Variants in ANKUB1 observed in about 807,000 individuals in gnomAD.
ANKUB1 encodes the protein protein ANKUB1.
ANKUB1 carries 42 observed loss-of-function variants against 49.3 expected under a neutral mutation model. The ratio of observed to expected loss-of-function variants is 0.85; its 90% confidence interval spans 0.67 to 1.10. The LOEUF is 1.10. ANKUB1 is among the 50% of genes least tolerant of loss of function. ANKUB1 has a pLI of 0.00. For synonymous variants in ANKUB1, 222 were observed against 231.0 expected (o/e 0.96, Z 0.35); for missense variants, 613 against 642.0 (o/e 0.95, Z 0.49).
At position 149,767,945 on chromosome 3, in the gene ANKUB1, G is replaced by A; in HGVS notation, c.717C>T (p.Val239=). Residue 239 remains valine, a synonymous_variant, in exon 5 of 6, where the codon GTC becomes GTT. Transcript: ENST00000446160. ...CGGCTGCATGAATGGGGCATTTAGAGACATCTGCATGAAGGGCTTCATGGC... is the reference window on the plus strand; with the variant it reads ...CGGCTGCATGAATGGGGCATTTAGAAACATCTGCATGAAGGGCTTCATGGC... ...AWCHEALHAD[V]SKCPIHAAAE... 6.5e-7 allele frequency: 1 copy of A among 1,548,450 alleles called. No individual in the cohort carries two copies. The highest frequency in any genetic ancestry group is 1.2e-5 in the South Asian group (1 of 83,986).
At chr3:149,769,931 T>C (rs947169455) in intron 4 of ANKUB1, among the ~76,000 whole-genome samples, 3 of 152,182 alleles carry the variant, frequency 2.0e-5, no homozygotes, top group Admixed American at 6.5e-5. Flanking sequence ...GAGTTTGAAC[T>C]GTCAGGGTTC....
At position 149,780,373 on chromosome 3, in the gene ANKUB1, T is replaced by A. The variant is rs1262733000; in HGVS notation, c.317A>T (p.Asp106Val). 5 of 1,552,164 alleles carry A rather than the reference T, an allele frequency of 3.2e-6. No individual in the cohort carries two copies. The highest frequency in any genetic ancestry group is 4.4e-6 in the Non-Finnish European group (5 of 1,147,086). ...MPVMESISLL[D>V]KTVSDLRTLV... ...TGTTCTCAGATCAGACACTGTTTTA[T>A]CAAGAAGGGAAATGCTCTCCATTAC... Residue 106 changes from aspartate to valine, a missense_variant, in exon 3 of 6, where the codon GAT (aspartate) becomes GTT (valine). Asp to Val is a radical substitution (Grantham distance 152). Coordinates refer to ENST00000446160, the MANE Select transcript of ANKUB1 (RefSeq NM_001144960.3).
chr3:149,788,115 G>A (rs1718191678), intron 2 of ANKUB1, among the ~76,000 whole-genome samples: 2 of 152,142 alleles, frequency 1.3e-5, no homozygotes, highest in African/African-American at 2.4e-5. Flanking sequence ...AGTTAAGTAG[G>A]GAAGGTACTA....
At chr3:149,771,072 G>A (rs1717338003) in intron 3 of ANKUB1, among the ~76,000 whole-genome samples, 1 of 152,186 alleles carries the variant, frequency 6.6e-6, no homozygotes, top group South Asian at 2.1e-4. Flanking sequence ...TTATGAGTGG[G>A]CTGTGAGGGA....
intron 2 of ANKUB1, among the ~76,000 whole-genome samples, chr3:149,789,202 G>A (rs1718247474): frequency 1.3e-5 from 2 of 152,128 alleles, no homozygotes; most frequent in Non-Finnish European, 2.9e-5. Flanking sequence ...TTAAATAAAA[G>A]TATCCTATCC....
chr3:149,788,057 A>G (rs1471421535), intron 2 of ANKUB1, among the ~76,000 whole-genome samples: 1 of 152,204 alleles, frequency 6.6e-6, no homozygotes, highest in East Asian at 1.9e-4. Flanking sequence ...GGCATCTTCC[A>G]TCTCTCTCAA....
intron 2 of ANKUB1, 99 bp downstream of exon 2, chr3:149,790,682 A>G (rs1718320054): frequency 1.6e-6 from 2 of 1,232,518 alleles, no homozygotes; most frequent in Non-Finnish European, 2.2e-6. Context: ...AAAAGAGACA[A>G]TTTCTTTTTA....
At chr3:149,774,187 C>T (rs1329678665) in intron 3 of ANKUB1, among the ~76,000 whole-genome samples, 1 of 152,176 alleles carries the variant, frequency 6.6e-6, no homozygotes, top group Non-Finnish European at 1.5e-5. Flanking sequence ...TCTGAATTTC[C>T]TACTCTAAAT....
At chr3:149,776,808 C>CA (rs773843141) in intron 3 of ANKUB1, among the ~76,000 whole-genome samples, 38 of 150,956 alleles carry the variant, frequency 2.5e-4, no homozygotes, top group Admixed American at 5.9e-4. Context: ...AAAAAATACA[C>CA]ACACACACAC....
rs897164578 is a variant in ANKUB1, at chr3:149,767,877, T to C, written c.785A>G (p.Tyr262Cys). ...QLLILKAFVN[Y>C]SVLCLECKNA... The stretch of plus-strand genomic sequence containing the variant: ...TTTGCATTCCAGGCACAGCACACTG[T>C]AGTTGACAAAGGCCTTCAGAATCAA... The change falls in exon 5 of 6, where the codon TAC (tyrosine) becomes TGC (cysteine). Residue 262 changes from tyrosine to cysteine, a missense_variant. Tyr to Cys is a radical substitution (Grantham distance 194). Transcript: ENST00000446160. 1.3e-6 allele frequency: 2 copies of C among 1,551,562 alleles called. No individual in the cohort carries two copies. Among genetic ancestry groups the C allele is most frequent in the African/African-American group, 1.4e-5 (1 of 73,036 alleles).
chr3:149,791,420 A>T (rs892160577), intron 1 of ANKUB1, among the ~76,000 whole-genome samples: 6 of 152,216 alleles, frequency 3.9e-5, no homozygotes, highest in African/African-American at 1.4e-4. Flanking sequence ...AATGTATTTC[A>T]ATATAACAAA....
At chr3:149,763,861 C>T (rs1243677643) in intron 5 of ANKUB1, 16 of 455,542 alleles carry the variant, frequency 3.5e-5, no homozygotes, top group South Asian at 2.5e-4. Context: ...TGCATAATGC[C>T]ATCTTGGAGT....
chr3:149,777,213 C>T (rs1299030610), intron 3 of ANKUB1, among the ~76,000 whole-genome samples: 1 of 152,172 alleles, frequency 6.6e-6, no homozygotes, highest in Non-Finnish European at 1.5e-5. Flanking sequence ...GTGGCTCACG[C>T]CTGTAATCCC....
intron 4 of ANKUB1, among the ~76,000 whole-genome samples, chr3:149,768,299 C>A (rs961663180): frequency 1.3e-5 from 2 of 152,146 alleles, no homozygotes; most frequent in Admixed American, 6.5e-5. Context: ...CTACTATGCA[C>A]GTGTAAATAG....
intron 3 of ANKUB1, among the ~76,000 whole-genome samples, chr3:149,777,990 G>A (rs1717677988): frequency 6.6e-6 from 1 of 152,192 alleles, no homozygotes; most frequent in South Asian, 2.1e-4. Flanking sequence ...CTGTGGAAAA[G>A]GGGCCAAGGT....
chr3:149,768,218 A>G (rs1717158423), intron 4 of ANKUB1, 123 bp from the exon 5 acceptor site: 4 of 780,134 alleles, frequency 5.1e-6, no homozygotes, highest in African/African-American at 3.5e-5. Context: ...CTTTTACCTT[A>G]AAATATTTTT....
intron 5 of ANKUB1, among the ~76,000 whole-genome samples, chr3:149,765,220 G>T (rs539426664): frequency 1.4e-4 from 22 of 152,058 alleles, no homozygotes; most frequent in Admixed American, 1.1e-3. Flanking sequence ...AATATCAAAG[G>T]TATATGCCAT....
rs562961069 is a variant in ANKUB1 at position 149,782,713 on chromosome 3, T to C, written c.235-2258A>G. Among the ~76,000 whole-genome samples, 90 of 151,890 alleles carry C rather than the reference T, an allele frequency of 5.9e-4. 1 individual carries two copies. The South Asian group carries it at 0.016, about 28-fold the overall frequency. Reference sequence around the variant, plus strand: ...CACCAAACCCAGCTACATTTTAAATTCTTATTTGTAGAGACAGGGCCTAGC... The same window carrying C: ...CACCAAACCCAGCTACATTTTAAATCCTTATTTGTAGAGACAGGGCCTAGC... On this transcript the variant is annotated intron_variant, in intron 2 of 5. Coordinates refer to ENST00000446160, the MANE Select transcript of ANKUB1 (RefSeq NM_001144960.3).
chr3:149,788,240 A>G (rs1314377735), intron 2 of ANKUB1, among the ~76,000 whole-genome samples: 3 of 152,204 alleles, frequency 2.0e-5, no homozygotes, highest in Admixed American at 6.5e-5. Flanking sequence ...GCATTCTTTG[A>G]GGCCTGGGAT....
Sources: allele counts gnomAD v4.1 joint callset (sites outside exome capture counted in the v4.1 genomes callset), GRCh38; gene constraint gnomAD v4.1.1; transcripts MANE v1.5; gene names NCBI Gene and HGNC (gene_info 2026-07-23, HGNC 2026-07-21).